Variants in KIRREL3 observed in about 807,000 individuals in gnomAD.
KIRREL3 encodes kirre like nephrin family adhesion molecule 3.
KIRREL3 carries 36 observed loss-of-function variants against 89.7 expected under a neutral mutation model. That is an observed-to-expected ratio of 0.40 (90% CI 0.31 to 0.53). The LOEUF (loss-of-function observed/expected upper bound fraction) is 0.53. Ranked by LOEUF, KIRREL3 falls within the 20% of genes least tolerant of loss-of-function variation. KIRREL3 has a pLI of 0.49. For missense variants in KIRREL3, 864 were observed against 1,056.6 expected (o/e 0.82, Z 2.53); for synonymous variants, 445 against 441.4 (o/e 1.01, Z -0.10).
rs1488263815 is a variant in KIRREL3 at position 126,563,298 on chromosome 11, T to C, written c.56-386A>G. Among the ~76,000 whole-genome samples, 1 of 152,152 alleles carries C rather than the reference T, an allele frequency of 6.6e-6. No individual in the cohort carries two copies. Among genetic ancestry groups the C allele is most frequent in the Non-Finnish European group, 1.5e-5 (1 of 68,026 alleles). On this transcript the variant is annotated intron_variant, in intron 1 of 16. Coordinates refer to ENST00000525144, the MANE Select transcript of KIRREL3 (RefSeq NM_032531.4). The surrounding 1 kb of genome is among the most constrained non-coding windows in gnomAD (Gnocchi z 6.8). The stretch of plus-strand genomic sequence containing the variant: ...CTTTGTATCTCAGGCTTGGGGACTA[T>C]GCTCAGATCAACTTGGGACTGTGGC...
chr11:126,863,967 C>T (rs1944836822), intron 1 of KIRREL3, among the ~76,000 whole-genome samples: 1 of 152,176 alleles, frequency 6.6e-6, no homozygotes, highest in Admixed American at 6.5e-5. Context: ...CTGGCTACAC[C>T]ATGTGTTAAC....
At chr11:126,777,993 G>A (rs1950216654) in intron 1 of KIRREL3, among the ~76,000 whole-genome samples, 3 of 151,712 alleles carry the variant, frequency 2.0e-5, no homozygotes, top group South Asian at 2.1e-4. Flanking sequence ...GACTGGGGAC[G>A]GCTTCCCCCT....
rs541724291 is a variant in KIRREL3, at chr11:126,489,346, C to A, written c.434-15880G>T. Among the ~76,000 whole-genome samples the A allele has an allele frequency of 6.2e-4, 94 of 152,176 alleles. 2 individuals are homozygous for A. In the South Asian group the frequency reaches 0.018, roughly 30 times the overall value. On this transcript the variant is annotated intron_variant, in intron 4 of 16. Coordinates refer to ENST00000525144, the MANE Select transcript of KIRREL3 (RefSeq NM_032531.4). This position sits in a 1 kb window ranked among gnomAD's most constrained non-coding sequence, Gnocchi z 5.5. ...GAGCAGGTGCTCAACAGATGAGCAC[C>A]CCATCAATGATGGAAGGGTAAGAAG...
In KIRREL3 at chr11:126,459,514, C is replaced by T. The variant is rs752219383; in HGVS notation, c.743-3060G>A. Among the ~76,000 whole-genome samples the T allele has an allele frequency of 6.6e-5, 10 of 152,176 alleles. No individual in the cohort carries two copies. The highest frequency in any genetic ancestry group is 1.5e-4 in the Non-Finnish European group (10 of 68,038). The stretch of plus-strand genomic sequence containing the variant: ...TTCTTTCTCCACTTCTGCTGGTGTA[C>T]AGAATATACATTTTCAGGAGTCTGC... On this transcript the variant is annotated intron_variant, in intron 6 of 16. Transcript: ENST00000525144. The surrounding 1 kb of genome is among the most constrained non-coding windows in gnomAD (Gnocchi z 4.8).
intron 1 of KIRREL3, among the ~76,000 whole-genome samples, chr11:126,660,016 T>C (rs184887788): frequency 6.6e-6 from 1 of 152,174 alleles, no homozygotes; most frequent in Non-Finnish European, 1.5e-5. Context: ...TGATAAAAAT[T>C]TGGGGTTGCT....
Position 126,780,201 on chromosome 11 carries a change from A to G in KIRREL3, c.56-217289T>C, listed in dbSNP as rs1950286442. On this transcript the variant is annotated intron_variant, in intron 1 of 16. Coordinates refer to ENST00000525144, the MANE Select transcript of KIRREL3 (RefSeq NM_032531.4). The surrounding 1 kb of genome is among the most constrained non-coding windows in gnomAD (Gnocchi z 5.3). ...AAAGGAAAACAGGAAAAGACTGCAG[A>G]AGGAAGAAGATAAGGAAGCAACAGA... is the stretch of plus-strand genomic sequence containing the variant. Among the ~76,000 whole-genome samples the G allele has an allele frequency of 6.6e-6, 1 of 152,204 alleles. No individual in the cohort carries two copies. The highest frequency in any genetic ancestry group is 2.4e-5 in the African/African-American group (1 of 41,448).
At position 126,471,209 on chromosome 11, in the gene KIRREL3, A is replaced by G. The variant is rs1347037574; in HGVS notation, c.591+2100T>C. Among the ~76,000 whole-genome samples the G allele has an allele frequency of 6.6e-6, 1 of 151,912 alleles. No individual in the cohort carries two copies. The highest frequency in any genetic ancestry group is 1.9e-4 in the East Asian group (1 of 5,174). Reference sequence around the variant, plus strand: ...CCCGTCTCTTTTAAAAATACAAAAAAAGAAAAAAAAATTAGCTGGGCATGA... The same window carrying G: ...CCCGTCTCTTTTAAAAATACAAAAAGAGAAAAAAAAATTAGCTGGGCATGA... On this transcript the variant is annotated intron_variant, in intron 5 of 16. Transcript: ENST00000525144. This position sits in a 1 kb window ranked among gnomAD's most constrained non-coding sequence, Gnocchi z 5.4.
intron 1 of KIRREL3, chr11:126,937,010 T>C (rs1442922463): frequency 6.6e-6 from 1 of 152,160 alleles, no homozygotes; most frequent in African/African-American, 2.4e-5. Flanking sequence ...CTACCTATGA[T>C]TAATTTAACA....
In KIRREL3 at chr11:126,813,947, G is replaced by A. The variant is rs527947839; in HGVS notation, c.55+186508C>T. Among the ~76,000 whole-genome samples the A allele has an allele frequency of 1.4e-3, 208 of 152,138 alleles. 4 individuals are homozygous for A. The highest frequency in any genetic ancestry group is 1.4e-3 in the Admixed American group (21 of 15,288). ...TTAAACTCAAGAGCTTCTGTACAGC[G>A]AAAGAAACTATCATCAGAGTAAACA... On this transcript the variant is annotated intron_variant, in intron 1 of 16. Transcript: ENST00000525144.
rs1949669556 is a variant in KIRREL3 at position 126,761,669 on chromosome 11, G to T, written c.56-198757C>A. On this transcript the variant is annotated intron_variant, in intron 1 of 16. Coordinates refer to ENST00000525144, the MANE Select transcript of KIRREL3 (RefSeq NM_032531.4). This position sits in a 1 kb window ranked among gnomAD's most constrained non-coding sequence, Gnocchi z 4.4. The stretch of plus-strand genomic sequence containing the variant: ...CTTCTAAGGAATCTTGTAGAAATGT[G>T]ATTATGGTGTAGTTTGTGTATATCA... 6.6e-6 allele frequency among the ~76,000 whole-genome samples: 1 copy of T among 152,010 alleles called. No homozygotes were observed. Among genetic ancestry groups the T allele is most frequent in the African/African-American group, 2.4e-5 (1 of 41,376 alleles).
Position 126,946,841 on chromosome 11 carries a change from T to A in KIRREL3, c.55+53614A>T, listed in dbSNP as rs1016977203. On this transcript the variant is annotated intron_variant, in intron 1 of 16. Coordinates refer to ENST00000525144, the MANE Select transcript of KIRREL3 (RefSeq NM_032531.4). The surrounding 1 kb of genome is among the most constrained non-coding windows in gnomAD (Gnocchi z 4.1). ...CATATAAGTAGATATCATTGTACATTGTTCAACCACTATTTATTGTGTAAC... is the reference window on the plus strand; with the variant it reads ...CATATAAGTAGATATCATTGTACATAGTTCAACCACTATTTATTGTGTAAC... Among the ~76,000 whole-genome samples, 2 of 152,230 alleles carry A rather than the reference T, an allele frequency of 1.3e-5. No individual in the cohort carries two copies.
rs1204014899 is a variant in KIRREL3, at chr11:126,976,032, C to T, written c.55+24423G>A. ...GTGTGGCTCTCAGGACAGAGCATAC[C>T]CATTCCAGATGTGGGTCACATCAGC... is the stretch of plus-strand genomic sequence containing the variant. On this transcript the variant is annotated intron_variant, in intron 1 of 16. Coordinates refer to ENST00000525144, the MANE Select transcript of KIRREL3 (RefSeq NM_032531.4). This position sits in a 1 kb window ranked among gnomAD's most constrained non-coding sequence, Gnocchi z 4.2. Among the ~76,000 whole-genome samples, 1 of 151,192 alleles carries T rather than the reference C, an allele frequency of 6.6e-6. No individual in the cohort carries two copies. The highest frequency in any genetic ancestry group is 1.5e-5 in the Non-Finnish European group (1 of 67,874).
intron 1 of KIRREL3, among the ~76,000 whole-genome samples, chr11:126,862,455 C>A (rs1944735322): frequency 6.6e-6 from 1 of 152,242 alleles, no homozygotes; most frequent in Non-Finnish European, 1.5e-5. Context: ...CTCCTGGGAG[C>A]TGCTTTTCTT....
At chr11:126,745,281 T>C (rs1949106409) in intron 1 of KIRREL3, among the ~76,000 whole-genome samples, 1 of 152,144 alleles carries the variant, frequency 6.6e-6, no homozygotes, top group Non-Finnish European at 1.5e-5. Flanking sequence ...TGAAGCTTTG[T>C]AGTACATGCT....
In KIRREL3 at chr11:126,645,841, C is replaced by T. The variant is rs79068506; in HGVS notation, c.56-82929G>A. ...CTTATTTTATTTCCTTTCCTTCCTT[C>T]CATGCTAAAGAGGGCCAGGGCTAAT... On this transcript the variant is annotated intron_variant, in intron 1 of 16. Coordinates refer to ENST00000525144, the MANE Select transcript of KIRREL3 (RefSeq NM_032531.4). The surrounding 1 kb of genome is among the most constrained non-coding windows in gnomAD (Gnocchi z 4.9). 8.0e-3 allele frequency among the ~76,000 whole-genome samples: 1,219 copies of T among 152,314 alleles called. 14 individuals are homozygous for T. Among genetic ancestry groups the T allele is most frequent in the Non-Finnish European group, 0.014 (963 of 68,030 alleles).
At chr11:126,546,629 T>C (rs1167032789) in intron 2 of KIRREL3, among the ~76,000 whole-genome samples, 2 of 152,256 alleles carry the variant, frequency 1.3e-5, no homozygotes, top group East Asian at 1.9e-4. Context: ...CCTAACATCA[T>C]AAATATGGAT....
At chr11:126,437,266 GCA>G (rs945351767) in intron 11 of KIRREL3, among the ~76,000 whole-genome samples, 5 of 152,066 alleles carry the variant, frequency 3.3e-5, no homozygotes, top group African/African-American at 1.2e-4. Context: ...GTACACGTGT[GCA>G]CACACAACAC....
Position 126,569,417 on chromosome 11 carries a change from A to G in KIRREL3, c.56-6505T>C, listed in dbSNP as rs1432459885. 6.6e-6 allele frequency among the ~76,000 whole-genome samples: 1 copy of G among 152,068 alleles called. No individual in the cohort carries two copies. Among genetic ancestry groups the G allele is most frequent in the African/African-American group, 2.4e-5 (1 of 41,390 alleles). On this transcript the variant is annotated intron_variant, in intron 1 of 16. Coordinates refer to ENST00000525144, the MANE Select transcript of KIRREL3 (RefSeq NM_032531.4). This position sits in a 1 kb window ranked among gnomAD's most constrained non-coding sequence, Gnocchi z 6.5. The stretch of plus-strand genomic sequence containing the variant: ...AGACTCTGCTACAAGCATTAATCCT[A>G]CCCCTCTGGAACCAGGACACATTAA...
chr11:126,658,652 G>A (rs1408668155), intron 1 of KIRREL3, among the ~76,000 whole-genome samples: 1 of 152,190 alleles, frequency 6.6e-6, no homozygotes, highest in Non-Finnish European at 1.5e-5. Context: ...TTTCCTGAAT[G>A]GGATCTGCAT....
Sources: gnomAD v4.1 joint callset for allele counts (sites outside exome capture counted in the v4.1 genomes callset) on GRCh38, gnomAD v4.1.1 for gene constraint, Gnocchi (gnomAD v3.1) non-coding constraint, MANE v1.5 for transcripts, NCBI Gene and HGNC (gene_info 2026-07-23, HGNC 2026-07-21) for gene names.